Variants in GOLPH3 observed in about 807,000 individuals in gnomAD.
GOLPH3 encodes coat protein GPP34.
A neutral mutation model predicts 28.5 loss-of-function variants in GOLPH3; 14 were observed. The observed-to-expected ratio is 0.49, with a 90% CI of 0.32 to 0.77. The LOEUF is 0.77. GOLPH3 is among the 30% of genes least tolerant of loss of function. The pLI is 0.03. For missense variants in GOLPH3, 350 were observed against 393.7 expected (o/e 0.89, Z 0.94); for synonymous variants, 158 against 159.2 (o/e 0.99, Z 0.06).
chr5:32,128,082 G>C (rs1745723498), intron 3 of GOLPH3, among the ~76,000 whole-genome samples: 1 of 152,220 alleles, frequency 6.6e-6, no homozygotes, highest in African/African-American at 2.4e-5. Flanking sequence ...CACAGATAAA[G>C]AGGTCTAGAA....
At chr5:32,147,323 CA>C (rs1412749875) in intron 1 of GOLPH3, among the ~76,000 whole-genome samples, 2 of 152,140 alleles carry the variant, frequency 1.3e-5, no homozygotes, top group Middle Eastern at 3.4e-3. Context: ...CAGAATATTA[CA>C]ATTCTATGAA....
intron 2 of GOLPH3, 112 bp downstream of exon 2, chr5:32,143,637 A>G (rs1204384403): frequency 1.1e-6 from 1 of 949,274 alleles, no homozygotes; most frequent in East Asian, 2.8e-5. Context: ...CAATTGAAGA[A>G]AGACAACTTT....
chr5:32,129,083 G>A (rs908827351), intron 3 of GOLPH3, among the ~76,000 whole-genome samples: 1 of 152,168 alleles, frequency 6.6e-6, no homozygotes, highest in African/African-American at 2.4e-5. Context: ...TCGGGAGGCT[G>A]AGGCAGGAGA....
In GOLPH3 at chr5:32,170,694, C is replaced by G. The variant is rs551565158; in HGVS notation, c.225+3116G>C. On this transcript the variant is annotated intron_variant, in intron 1 of 3. Transcript: ENST00000265070. The stretch of plus-strand genomic sequence containing the variant: ...GGCTTGATGGCATGCACCTTGTATT[C>G]CCAGCTACTCAGGGCGGATCACTTG... 2.6e-5 allele frequency among the ~76,000 whole-genome samples: 4 copies of G among 152,112 alleles called. No individual in the cohort carries two copies. In the South Asian group the frequency reaches 8.3e-4, roughly 32 times the overall value.
chr5:32,143,971 T>C, intron 1 of GOLPH3, 91 bp from the exon 2 acceptor site: 1 of 788,100 alleles, frequency 1.3e-6, no homozygotes, highest in Non-Finnish European at 1.9e-6. Context: ...CAAAGTCATA[T>C]TTGGTGCCTT....
intron 1 of GOLPH3, among the ~76,000 whole-genome samples, chr5:32,167,243 C>T (rs547961446): frequency 6.6e-6 from 1 of 152,178 alleles, no homozygotes; most frequent in Non-Finnish European, 1.5e-5. Flanking sequence ...GCAATCTTGG[C>T]TCACTGCAAC....
rs555688804 is a variant in GOLPH3, at chr5:32,142,634, G to A, written c.357+1115C>T. Among the ~76,000 whole-genome samples the A allele has an allele frequency of 9.8e-5, 14 of 143,454 alleles. No homozygotes were observed. In the East Asian group the frequency reaches 2.2e-3, roughly 23 times the overall value. 94.1% of individuals were successfully genotyped at this position (143,454 alleles called of 152,430 possible). On this transcript the variant is annotated intron_variant, in intron 2 of 3. Coordinates refer to ENST00000265070, the MANE Select transcript of GOLPH3 (RefSeq NM_022130.4). ...AGCCCCCTGCCCGGCCAGCCGCCCC[G>A]TCCGGGAGGGAGGTGGGGGGGTCAG...
At chr5:32,139,682 G>C (rs1173764408) in intron 2 of GOLPH3, among the ~76,000 whole-genome samples, 3 of 152,136 alleles carry the variant, frequency 2.0e-5, no homozygotes, top group Admixed American at 1.3e-4. Flanking sequence ...TTTTTATTTA[G>C]CTTCTTTTTT....
At chr5:32,133,391 A>G (rs990810123) in intron 3 of GOLPH3, among the ~76,000 whole-genome samples, 2 of 152,228 alleles carry the variant, frequency 1.3e-5, no homozygotes, top group Admixed American at 6.5e-5. Context: ...TAACAAAAAA[A>G]GTCACCACAA....
chr5:32,139,152 C>T (rs1471247521), intron 2 of GOLPH3, among the ~76,000 whole-genome samples: 1 of 152,150 alleles, frequency 6.6e-6, no homozygotes, highest in African/African-American at 2.4e-5. Context: ...TATAGTCGGC[C>T]TTCCATATCT....
intron 1 of GOLPH3, among the ~76,000 whole-genome samples, chr5:32,150,372 G>T (rs1746276861): frequency 6.8e-6 from 1 of 147,748 alleles, no homozygotes; most frequent in African/African-American, 2.5e-5. Context: ...AATAAAAATA[G>T]CAACAGATTT....
chr5:32,163,337 C>T (rs2111890606), intron 1 of GOLPH3, among the ~76,000 whole-genome samples: 1 of 152,294 alleles, frequency 6.6e-6, no homozygotes, highest in East Asian at 1.9e-4. Context: ...AAATCATTCG[C>T]AAATCTGTCT....
At chr5:32,127,593 T>C (rs544607922) in intron 3 of GOLPH3, among the ~76,000 whole-genome samples, 4 of 152,228 alleles carry the variant, frequency 2.6e-5, no homozygotes, top group South Asian at 4.1e-4. Context: ...ACGTATACAA[T>C]AGTGACGTAT....
intron 1 of GOLPH3, among the ~76,000 whole-genome samples, chr5:32,172,505 G>A (rs1746860376): frequency 6.6e-6 from 1 of 151,926 alleles, no homozygotes; most frequent in Admixed American, 6.6e-5. Flanking sequence ...GACCATCCTG[G>A]CCAACATGGT....
chr5:32,136,546 C>CAT (rs1745936419), intron 2 of GOLPH3, among the ~76,000 whole-genome samples: 1 of 151,760 alleles, frequency 6.6e-6, no homozygotes, highest in Admixed American at 6.6e-5. Flanking sequence ...AGTTTATACT[C>CAT]ACTGACTCAT....
intron 1 of GOLPH3, among the ~76,000 whole-genome samples, chr5:32,163,626 C>G (rs539612707): frequency 6.6e-6 from 1 of 152,098 alleles, no homozygotes; most frequent in Admixed American, 6.5e-5. Context: ...GCACTCCAGT[C>G]TGGCGACAGA....
At chr5:32,131,283 C>G (rs1187730514) in intron 3 of GOLPH3, among the ~76,000 whole-genome samples, 1 of 152,144 alleles carries the variant, frequency 6.6e-6, no homozygotes, top group Non-Finnish European at 1.5e-5. Context: ...AAGTAATAAC[C>G]AAGTGGTCAA....
chr5:32,171,181 G>T (rs761798565), intron 1 of GOLPH3, among the ~76,000 whole-genome samples: 96 of 152,086 alleles, frequency 6.3e-4, no homozygotes, highest in Non-Finnish European at 1.2e-3. Context: ...AACATTTAGA[G>T]CAAGGGTGTC....
intron 1 of GOLPH3, among the ~76,000 whole-genome samples, chr5:32,171,195 C>T (rs1000644373): frequency 3.9e-5 from 6 of 152,126 alleles, no homozygotes; most frequent in African/African-American, 1.4e-4. Context: ...GGGTGTCCAA[C>T]CTTTTGGCTT....
Sources: gnomAD v4.1 joint callset for allele counts (sites outside exome capture counted in the v4.1 genomes callset) on GRCh38, gnomAD v4.1.1 for gene constraint, MANE v1.5 for transcripts, NCBI Gene and HGNC (gene_info 2026-07-23, HGNC 2026-07-21) for gene names.